The following CASS4 variants were observed in gnomAD, a reference collection of about 807,000 sequenced individuals.
The protein encoded by CASS4 is Cas scaffold protein family member 4.
Under a neutral mutation model 54.2 loss-of-function variants are expected in CASS4, and 22 were observed. The ratio of observed to expected loss-of-function variants is 0.41; its 90% CI spans 0.29 to 0.58. The LOEUF is 0.58. CASS4 is among the 20% of genes least tolerant of loss of function. CASS4 has a pLI of 0.36. For synonymous variants in CASS4, 409 were observed against 391.5 expected (o/e 1.04, Z -0.53); for missense variants, 854 against 986.7 (o/e 0.87, Z 1.80).
chr20:56,455,689 G>A (rs1450352962), intron 5 of CASS4, among the ~76,000 whole-genome samples: 1 of 152,176 alleles, frequency 6.6e-6, no homozygotes, highest in South Asian at 2.1e-4. Flanking sequence ...CAGCACTTTG[G>A]GAGGCCGAGG....
upstream of CASS4, chr20:56,412,087 A>G: frequency 6.4e-6 from 2 of 310,390 alleles, no homozygotes; most frequent in Non-Finnish European, 1.2e-5. The surrounding 1 kb of genome is among the most constrained non-coding windows in gnomAD (Gnocchi z 4.2). Flanking sequence ...AGCTCTTCGA[A>G]GTAGGAACTT....
chr20:56,450,630 C>T lies in CASS4; in HGVS notation c.593C>T (p.Pro198Leu), dbSNP rs1031397464. Residue 198 changes from proline to leucine, a missense_variant, in exon 4 of 6, where the codon CCA becomes CTA. Coordinates refer to ENST00000679887, the MANE Select transcript of CASS4 (RefSeq NM_020356.4). Reference sequence around the variant, plus strand: ...GAGAAGCAGCAGTTATATGACATACCAGCCAGCCCCAAGAAGGCAGGACTC... The same window carrying T: ...GAGAAGCAGCAGTTATATGACATACTAGCCAGCCCCAAGAAGGCAGGACTC... Reference protein sequence around the residue: ...EPEKQQLYDIPASPKKAGLHP... With the variant: ...EPEKQQLYDILASPKKAGLHP... 7 of 1,613,994 alleles carry T rather than the reference C, an allele frequency of 4.3e-6. No homozygotes were observed. In the African/African-American group the frequency reaches 8.0e-5, roughly 18 times the overall value.
chr20:56,438,117 T>C (rs1980282345), intron 2 of CASS4, among the ~76,000 whole-genome samples: 1 of 151,774 alleles, frequency 6.6e-6, no homozygotes, highest in Non-Finnish European at 1.5e-5. Context: ...AGTGAGACCC[T>C]GTCTCTACCA....
At chr20:56,429,171 T>A (rs1162817244) in intron 1 of CASS4, among the ~76,000 whole-genome samples, 1 of 152,178 alleles carries the variant, frequency 6.6e-6, no homozygotes, top group East Asian at 1.9e-4. Context: ...TCTAAGCTGC[T>A]CCTGCCTAGA....
At chr20:56,416,655 C>T (rs1979154350) in intron 1 of CASS4, among the ~76,000 whole-genome samples, 1 of 151,964 alleles carries the variant, frequency 6.6e-6, no homozygotes, top group African/African-American at 2.4e-5. Flanking sequence ...AGTAAATGTC[C>T]AGGAATTGAA....
chr20:56,431,512 T>G (rs2146274945), intron 1 of CASS4, among the ~76,000 whole-genome samples: 1 of 152,354 alleles, frequency 6.6e-6, no homozygotes, highest in African/African-American at 2.4e-5. Context: ...GCTGGGAGTT[T>G]ACATCCTTTG....
intron 1 of CASS4, among the ~76,000 whole-genome samples, chr20:56,435,753 C>A (rs1013720898): frequency 6.6e-6 from 1 of 151,038 alleles, no homozygotes; most frequent in African/African-American, 2.5e-5. Context: ...TTTCTTTTTT[C>A]TTTTGTTTTG....
At position 56,437,580 on chromosome 20, in the gene CASS4, A is replaced by G; in HGVS notation, c.453A>G (p.Pro151=). The G allele has an allele frequency of 6.5e-7, 1 of 1,533,166 alleles. No homozygotes were observed. Among genetic ancestry groups the G allele is most frequent in the Admixed American group, 2.1e-5 (1 of 47,736 alleles). 95.0% of individuals were successfully genotyped at this position (1,533,166 alleles called of 1,614,324 possible). Reference sequence around the variant, plus strand: ...TCTGTGAAAAGACTCTCAGCTTTCCAAAACAGGTACGCATACTTCCACCTA... The same window carrying G: ...TCTGTGAAAAGACTCTCAGCTTTCCGAAACAGGTACGCATACTTCCACCTA... ...RIICEKTLSF[P]KQAILTLPRP... Residue 151 remains proline, a synonymous_variant, in exon 2 of 6, where the codon CCA becomes CCG. Transcript: ENST00000679887. The surrounding 1 kb of genome is among the most constrained non-coding windows in gnomAD (Gnocchi z 4.7).
At chr20:56,443,102 C>A (rs780424071) in intron 2 of CASS4, among the ~76,000 whole-genome samples, 9,505 of 151,576 alleles carry the variant, frequency 0.063, 450 homozygotes, top group Middle Eastern at 0.15. Flanking sequence ...CTGGGAGGTA[C>A]CACTGGCGGT....
In CASS4 at chr20:56,458,663, C is replaced by G. The variant is rs201106876; in HGVS notation, c.2277C>G (p.Pro759=). Residue 759 remains proline (P), a synonymous_variant, in exon 6 of 6, where the codon CCC becomes CCG. Coordinates refer to ENST00000679887, the MANE Select transcript of CASS4 (RefSeq NM_020356.4). The part of the protein sequence containing the change: ...LATKNAVLTY[P]SPAALGHLQA... ...CTAAGAATGCCGTGCTCACGTACCC[C>G]AGCCCTGCCGCGCTGGGGCACCTCC... 15 of 1,613,134 alleles carry G rather than the reference C, an allele frequency of 9.3e-6. No individual in the cohort carries two copies. In the African/African-American group the frequency reaches 1.3e-4, roughly 14 times the overall value.
intron 3 of CASS4, among the ~76,000 whole-genome samples, chr20:56,448,127 G>A (rs57076617): frequency 0.011 from 1,496 of 137,364 alleles, 31 homozygotes; most frequent in African/African-American, 0.044. Flanking sequence ...GGGAGACAGA[G>A]TGAGACTCTG....
Position 56,437,528 on chromosome 20 carries a change from C to T in CASS4, c.401C>T (p.Pro134Leu), listed in dbSNP as rs772772885. The change falls in exon 2 of 6, where the codon CCC (proline) becomes CTC (leucine). Residue 134 changes from proline to leucine, a missense_variant. Transcript: ENST00000679887. The surrounding 1 kb of genome is among the most constrained non-coding windows in gnomAD (Gnocchi z 4.7). The stretch of plus-strand genomic sequence containing the variant: ...CCTACTGCCCAAGTCTATGAATTCC[C>T]CGACCCTCCCACCAGTGCCAGAATC... The part of the protein sequence containing the change: ...QPPTAQVYEF[P>L]DPPTSARIIC... 135 of 1,578,946 alleles carry T rather than the reference C, an allele frequency of 8.6e-5. No individual in the cohort carries two copies. Among genetic ancestry groups the T allele is most frequent in the Non-Finnish European group, 1.1e-4 (132 of 1,163,214 alleles).
Position 56,417,264 on chromosome 20 carries a change from A to G in CASS4, c.36+4770A>G, listed in dbSNP as rs917032232. 7.9e-5 allele frequency among the ~76,000 whole-genome samples: 12 copies of G among 152,160 alleles called. No individual in the cohort carries two copies. In the East Asian group the frequency reaches 2.1e-3, roughly 27 times the overall value. On this transcript the variant is annotated intron_variant, in intron 1 of 5. Coordinates refer to ENST00000679887, the MANE Select transcript of CASS4 (RefSeq NM_020356.4). The stretch of plus-strand genomic sequence containing the variant: ...AAACTCAGTCTTTGTTGAAGGGCAA[A>G]TGGGATTGTGTGCAGAAAGCTGACC...
intron 5 of CASS4, among the ~76,000 whole-genome samples, chr20:56,457,784 G>A (rs1470307658): frequency 6.6e-6 from 1 of 151,994 alleles, no homozygotes; most frequent in Non-Finnish European, 1.5e-5. Context: ...GGAGGCTGAG[G>A]TGGGCAGATC....
chr20:56,443,068 G>C (rs970969384), intron 2 of CASS4, among the ~76,000 whole-genome samples: 1 of 151,694 alleles, frequency 6.6e-6, no homozygotes, highest in Admixed American at 6.6e-5. Context: ...AAGGGTCTGC[G>C]GGGGGAGAAA....
rs1262913914 is a variant in CASS4 at position 56,430,461 on chromosome 20, C to T, written c.37-6703C>T. 6.6e-6 allele frequency among the ~76,000 whole-genome samples: 1 copy of T among 152,200 alleles called. No homozygotes were observed. Among genetic ancestry groups the T allele is most frequent in the African/African-American group, 2.4e-5 (1 of 41,458 alleles). The stretch of plus-strand genomic sequence containing the variant: ...GAACAAAAATGTGAACATACATCCT[C>T]CTTCACCTCTGAAATTTCTACACAA... On this transcript the variant is annotated intron_variant, in intron 1 of 5. Coordinates refer to ENST00000679887, the MANE Select transcript of CASS4 (RefSeq NM_020356.4). The surrounding 1 kb of genome is among the most constrained non-coding windows in gnomAD (Gnocchi z 4.2).
intron 1 of CASS4, among the ~76,000 whole-genome samples, chr20:56,415,781 G>A (rs939455414): frequency 2.6e-5 from 4 of 152,332 alleles, no homozygotes; most frequent in Non-Finnish European, 5.9e-5. Context: ...GTTCTCGCAA[G>A]CTGTTCCTAA....
rs1482803415 is a variant in CASS4 at position 56,451,884 on chromosome 20, T to C, written c.708T>C (p.Asn236=). The change falls in exon 5 of 6, where the codon AAT becomes AAC. Residue 236 remains asparagine, a synonymous_variant. Transcript: ENST00000679887. ...LRRGGYSTLP[N]PQKSEWIYDT... is the part of the protein sequence containing the mutation. ...GAGGCGGTTACAGCACATTACCAAA[T>C]CCTCAGAAATCGGAATGGATTTATG... 1 of 1,614,038 alleles carries C rather than the reference T, an allele frequency of 6.2e-7. No homozygotes were observed. The highest frequency in any genetic ancestry group is 1.7e-4 in the Middle Eastern group (1 of 6,042).
At chr20:56,417,563 A>G (rs1401870928) in intron 1 of CASS4, among the ~76,000 whole-genome samples, 2 of 152,204 alleles carry the variant, frequency 1.3e-5, no homozygotes, top group Non-Finnish European at 2.9e-5. Context: ...AAACTCCATG[A>G]GGGACAGACC....
Sources: gnomAD v4.1 joint callset for allele counts (sites outside exome capture counted in the v4.1 genomes callset) on GRCh38, gnomAD v4.1.1 for gene constraint, Gnocchi (gnomAD v3.1) non-coding constraint, MANE v1.5 for transcripts, NCBI Gene and HGNC (gene_info 2026-07-23, HGNC 2026-07-21) for gene names.